The following TAX1BP1 variants were observed in gnomAD, a reference collection of about 807,000 sequenced individuals.
The protein encoded by TAX1BP1 is tax1-binding protein 1.
A neutral mutation model predicts 97.7 loss-of-function variants in TAX1BP1; 62 were observed. The ratio of observed to expected loss-of-function variants is 0.63; its 90% CI spans 0.52 to 0.78. The LOEUF is 0.78. Among genes scored for constraint, TAX1BP1 ranks in the 30% least tolerant of loss-of-function variants. TAX1BP1 has a pLI of 0.00. For missense variants in TAX1BP1, 867 were observed against 916.1 expected, an observed-to-expected ratio of 0.95 and a Z score of 0.69; for synonymous variants, 340 against 304.2, an observed-to-expected ratio of 1.12 and a Z score of -1.23.
At chr7:27,804,990 A>G (rs760167711) in intron 13 of TAX1BP1, among the ~76,000 whole-genome samples, 1 of 152,180 alleles carries the variant, frequency 6.6e-6, no homozygotes, top group Admixed American at 6.5e-5. Flanking sequence ...GATTCTATGC[A>G]CATGTAGTTT....
chr7:27,792,046 A>T lies in TAX1BP1; in HGVS notation c.1079A>T (p.Glu360Val). ...TTAAAGGAGCAACTTCGTAAAGCAG[A>T]GGAACAGGTTCAGGCAACTCGGCAA... is the stretch of plus-strand genomic sequence containing the variant. ...CFLKEQLRKAEEQVQATRQEV... is the reference protein window; with the variant it reads ...CFLKEQLRKAVEQVQATRQEV... The change falls in exon 9 of 17, where the codon GAG becomes GTG. Residue 360 changes from glutamate (E) to valine (V), a missense_variant. By Grantham distance (121) the Glu-to-Val change is moderately radical. Transcript: ENST00000396319. 6.2e-7 allele frequency: 1 copy of T among 1,614,150 alleles called. No homozygotes were observed. Among genetic ancestry groups the T allele is most frequent in the Non-Finnish European group, 8.5e-7 (1 of 1,180,024 alleles).
chr7:27,794,245 T>C, intron 10 of TAX1BP1, 78 bp from the exon 11 acceptor site: 2 of 1,240,874 alleles, frequency 1.6e-6, no homozygotes, highest in Non-Finnish European at 2.2e-6. Flanking sequence ...TGTAAAAATA[T>C]TATTTACTTA....
intron 13 of TAX1BP1, among the ~76,000 whole-genome samples, chr7:27,814,367 T>A (rs1306640496): frequency 1.3e-5 from 2 of 152,164 alleles, no homozygotes; most frequent in African/African-American, 4.8e-5. Context: ...ACCTTTGTGT[T>A]TCTGTGTACA....
At position 27,792,249 on chromosome 7, in the gene TAX1BP1, G is replaced by C; in HGVS notation, c.1263+19G>C. The C allele has an allele frequency of 6.4e-7, 1 of 1,571,104 alleles. No homozygotes were observed. Among genetic ancestry groups the C allele is most frequent in the Non-Finnish European group, 8.7e-7 (1 of 1,155,804 alleles). On this transcript the variant is annotated intron_variant, in intron 9 of 16. Coordinates refer to ENST00000396319, the MANE Select transcript of TAX1BP1 (RefSeq NM_006024.7). Reference sequence around the variant, plus strand: ...AGATCAGGTAAAACAAGTTAATTTTGAATTTGCATTTTGATTTAAGAAACC... The same window carrying C: ...AGATCAGGTAAAACAAGTTAATTTTCAATTTGCATTTTGATTTAAGAAACC...
chr7:27,778,578 C>T (rs1789123215), intron 5 of TAX1BP1, among the ~76,000 whole-genome samples: 1 of 152,012 alleles, frequency 6.6e-6, no homozygotes, highest in African/African-American at 2.4e-5. Flanking sequence ...AAAACTTATA[C>T]AATTGGCCAG....
chr7:27,776,263 A>G lies in TAX1BP1; in HGVS notation c.612+6429A>G, dbSNP rs925536895. Among the ~76,000 whole-genome samples, 26 of 152,292 alleles carry G rather than the reference A, an allele frequency of 1.7e-4. 2 individuals carry two copies. Among genetic ancestry groups the G allele is most frequent in the East Asian group, 1.2e-3 (6 of 5,184 alleles). ...AGAACCAACCTGGTAAAATGCATAG[A>G]TAAAGGTTTCTGTCTGGTATAATTT... On this transcript the variant is annotated intron_variant, in intron 5 of 16. Transcript: ENST00000396319.
chr7:27,827,512 C>T (rs1225576202), intron 15 of TAX1BP1, among the ~76,000 whole-genome samples: 1 of 152,120 alleles, frequency 6.6e-6, no homozygotes, highest in African/African-American at 2.4e-5. Context: ...GTCTCTATTC[C>T]TCTGAATACT....
chr7:27,809,393 C>G (rs1274151538), intron 13 of TAX1BP1, among the ~76,000 whole-genome samples: 1 of 152,134 alleles, frequency 6.6e-6, no homozygotes, highest in African/African-American at 2.4e-5. Flanking sequence ...GAAGAAAATC[C>G]TAAATTTTAG....
rs563140794 is a variant in TAX1BP1, at chr7:27,794,749, C to T, written c.1534+303C>T. On this transcript the variant is annotated intron_variant, in intron 11 of 16. Transcript: ENST00000396319. Reference sequence around the variant, plus strand: ...CATTTGGGCTACATAGGACAAAAGCCACGAATTGAATTTTTACTTTATGTT... The same window carrying T: ...CATTTGGGCTACATAGGACAAAAGCTACGAATTGAATTTTTACTTTATGTT... 2.0e-5 allele frequency among the ~76,000 whole-genome samples: 3 copies of T among 152,222 alleles called. No individual in the cohort carries two copies. The South Asian group carries it at 6.2e-4, about 32-fold the overall frequency.
upstream of TAX1BP1, chr7:27,739,884 C>G (rs1276371693): frequency 6.6e-6 from 1 of 152,338 alleles, no homozygotes; most frequent in Non-Finnish European, 1.5e-5. Context: ...TTACTTAAAC[C>G]TCCTGTGTGT....
chr7:27,757,466 A>G (rs569914599), intron 2 of TAX1BP1, among the ~76,000 whole-genome samples: 17 of 152,126 alleles, frequency 1.1e-4, no homozygotes, highest in Non-Finnish European at 2.2e-4. Flanking sequence ...GGGGAGGCAG[A>G]TGTCTAAGTA....
chr7:27,771,047 T>C (rs561600018), intron 5 of TAX1BP1, among the ~76,000 whole-genome samples: 3 of 148,686 alleles, frequency 2.0e-5, no homozygotes, highest in South Asian at 4.3e-4. Flanking sequence ...TATTAAAATA[T>C]AGTAAAATCT....
At chr7:27,808,884 A>G (rs1352308177) in intron 13 of TAX1BP1, among the ~76,000 whole-genome samples, 2 of 152,212 alleles carry the variant, frequency 1.3e-5, no homozygotes, top group Non-Finnish European at 2.9e-5. Context: ...TATGTTATCC[A>G]TGCCTTTGTA....
chr7:27,778,243 T>C (rs990459608), intron 5 of TAX1BP1, among the ~76,000 whole-genome samples: 2 of 152,172 alleles, frequency 1.3e-5, no homozygotes, highest in African/African-American at 2.4e-5. Flanking sequence ...TGAGAAAGTA[T>C]TGCTATGAAA....
At chr7:27,810,073 A>G (rs1790495045) in intron 13 of TAX1BP1, among the ~76,000 whole-genome samples, 1 of 151,610 alleles carries the variant, frequency 6.6e-6, no homozygotes, top group Admixed American at 6.6e-5. Context: ...ACGCCTGGCT[A>G]ATTTTTTATA....
chr7:27,753,904 T>TAAAGGATGACC, intron 2 of TAX1BP1, among the ~76,000 whole-genome samples: 1 of 152,056 alleles, frequency 6.6e-6, no homozygotes, highest in Non-Finnish European at 1.5e-5. Flanking sequence ...AAAGGATGAC[T>TAAAGGATGACC]ACTGTAGTAA....
In TAX1BP1 at chr7:27,776,363, G is replaced by T. The variant is rs147045739; in HGVS notation, c.612+6529G>T. Among the ~76,000 whole-genome samples the T allele has an allele frequency of 3.7e-3, 563 of 152,064 alleles. 2 individuals are homozygous for T. The highest frequency in any genetic ancestry group is 0.013 in the African/African-American group (521 of 41,490). On this transcript the variant is annotated intron_variant, in intron 5 of 16. Transcript: ENST00000396319. ...CTGTTGATGAATTTGTTCAACTTTT[G>T]TATGTTAGGAAAAGTCTTATTTTAC...
At chr7:27,776,853 C>T (rs1180021864) in intron 5 of TAX1BP1, among the ~76,000 whole-genome samples, 2 of 147,292 alleles carry the variant, frequency 1.4e-5, no homozygotes, top group African/African-American at 5.0e-5. Flanking sequence ...CTCTCTGTTT[C>T]ATTTTAAATA....
At chr7:27,787,358 CTT>C in intron 7 of TAX1BP1, 58 bp from the exon 8 acceptor site, 15 of 1,399,812 alleles carry the variant, frequency 1.1e-5, no homozygotes, top group Non-Finnish European at 1.4e-5. Context: ...GTATTTTAAA[CTT>C]TGACTAACTT....
Sources: allele counts gnomAD v4.1 joint callset (sites outside exome capture counted in the v4.1 genomes callset), GRCh38; gene constraint gnomAD v4.1.1; transcripts MANE v1.5; gene names NCBI Gene and HGNC (gene_info 2026-07-23, HGNC 2026-07-21).